Variants in NEK1 observed in about 807,000 individuals in gnomAD.
The protein encoded by NEK1 is NIMA related kinase 1, also known as serine/threonine-protein kinase Nek1.
A neutral mutation model predicts 182.1 loss-of-function variants in NEK1; 137 were observed. The ratio of observed to expected loss-of-function variants is 0.75; its 90% confidence interval spans 0.65 to 0.87. The LOEUF is 0.87. NEK1 is among the 40% of genes least tolerant of loss of function. The pLI, the probability that NEK1 is intolerant of heterozygous loss-of-function variation, is 0.00. For missense variants in NEK1, 1,391 were observed against 1,494.4 expected (o/e 0.93, Z 1.14); for synonymous variants, 513 against 492.2 (o/e 1.04, Z -0.56).
At chr4:169,544,739 C>T (rs1460173875) in intron 18 of NEK1, among the ~76,000 whole-genome samples, 2 of 150,174 alleles carry the variant, frequency 1.3e-5, no homozygotes, top group Non-Finnish European at 3.0e-5. Flanking sequence ...GGAATTTATC[C>T]ATTTCTTCAG....
At chr4:169,542,843 G>GT (rs1433757645) in intron 18 of NEK1, among the ~76,000 whole-genome samples, 15 of 151,180 alleles carry the variant, frequency 9.9e-5, no homozygotes, top group Admixed American at 6.6e-4. Context: ...TATTGATGGG[G>GT]TTTTTTCTTG....
chr4:169,415,622 A>T (rs1303773235), intron 31 of NEK1, among the ~76,000 whole-genome samples: 1 of 152,200 alleles, frequency 6.6e-6, no homozygotes, highest in Non-Finnish European at 1.5e-5. Context: ...GGTCTGAAGC[A>T]GGGTATAAAC....
At chr4:169,473,334 A>G (rs1293085690) in intron 26 of NEK1, among the ~76,000 whole-genome samples, 2 of 151,754 alleles carry the variant, frequency 1.3e-5, no homozygotes, top group Non-Finnish European at 2.9e-5. Flanking sequence ...CAAATAATAG[A>G]CACTGGGGAC....
At chr4:169,530,964 A>C (rs906075318) in intron 19 of NEK1, among the ~76,000 whole-genome samples, 4 of 149,856 alleles carry the variant, frequency 2.7e-5, no homozygotes, top group African/African-American at 9.9e-5. Flanking sequence ...GAGTCATCTG[A>C]GTTACTGATA....
chr4:169,591,951 A>G (rs1454435039), intron 5 of NEK1, among the ~76,000 whole-genome samples: 1 of 152,168 alleles, frequency 6.6e-6, no homozygotes, highest in Non-Finnish European at 1.5e-5. Context: ...ACAAAATAAG[A>G]AGTGGACAAA....
At chr4:169,423,538 A>G (rs1218022035) in intron 31 of NEK1, among the ~76,000 whole-genome samples, 1 of 152,256 alleles carries the variant, frequency 6.6e-6, no homozygotes, top group African/African-American at 2.4e-5. Flanking sequence ...CAATAACATT[A>G]CTCATTTGAT....
intron 23 of NEK1, among the ~76,000 whole-genome samples, chr4:169,495,451 C>T (rs1751050249): frequency 6.6e-6 from 1 of 151,928 alleles, no homozygotes; most frequent in African/African-American, 2.4e-5. Flanking sequence ...ACCGTGTTAG[C>T]CAGGATGGTC....
At chr4:169,518,717 G>A (rs1421831685) in intron 19 of NEK1, among the ~76,000 whole-genome samples, 12 of 82,082 alleles carry the variant, frequency 1.5e-4, no homozygotes, top group African/African-American at 3.2e-4. Context: ...CTTTGTTCTC[G>A]TTGGTTTCAA....
chr4:169,407,509 TAAG>T (rs1247576731), intron 31 of NEK1, among the ~76,000 whole-genome samples: 1 of 151,958 alleles, frequency 6.6e-6, no homozygotes, highest in African/African-American at 2.4e-5. Flanking sequence ...GCAGGAACAG[TAAG>T]AAGAAACTCA....
intron 27 of NEK1, among the ~76,000 whole-genome samples, chr4:169,449,341 T>C (rs183274802): frequency 8.5e-5 from 13 of 152,310 alleles, no homozygotes; most frequent in South Asian, 2.1e-4. Flanking sequence ...TGAGAAAAGA[T>C]AGACTGCCTC....
At chr4:169,579,787 C>CAA (rs759017295) in intron 11 of NEK1, among the ~76,000 whole-genome samples, 3 of 114,786 alleles carry the variant, frequency 2.6e-5, no homozygotes, top group Non-Finnish European at 3.7e-5. Context: ...GACTCCATCT[C>CAA]AAAAAAAAAA....
chr4:169,604,923 AGCCCAAGTT>A (rs1720638774), intron 2 of NEK1, among the ~76,000 whole-genome samples: 1 of 152,220 alleles, frequency 6.6e-6, no homozygotes, highest in Non-Finnish European at 1.5e-5. Context: ...TATATTTTCA[AGCCCAAGTT>A]GTGTTAACTG....
chr4:169,419,575 T>C (rs551739046), intron 31 of NEK1, among the ~76,000 whole-genome samples: 32 of 152,138 alleles, frequency 2.1e-4, no homozygotes, highest in Non-Finnish European at 4.4e-4. Flanking sequence ...GTAGAAAAAA[T>C]ACCCGACAAC....
intron 23 of NEK1, among the ~76,000 whole-genome samples, chr4:169,488,251 C>T (rs1317218859): frequency 6.6e-6 from 1 of 152,078 alleles, no homozygotes; most frequent in Non-Finnish European, 1.5e-5. Context: ...TTATTTGTGC[C>T]TGTGTCCTGA....
intron 27 of NEK1, among the ~76,000 whole-genome samples, chr4:169,454,410 G>T (rs1435101279): frequency 6.6e-6 from 1 of 152,056 alleles, no homozygotes; most frequent in Non-Finnish European, 1.5e-5. Flanking sequence ...CAGAATGGGA[G>T]AAAACTTCTG....
At chr4:169,603,024 T>A (rs753782645) in intron 2 of NEK1, among the ~76,000 whole-genome samples, 2 of 152,180 alleles carry the variant, frequency 1.3e-5, no homozygotes, top group African/African-American at 4.8e-5. Flanking sequence ...ACACTATTTC[T>A]TGAAGTTATT....
chr4:169,582,917 T>C (rs1227392124), intron 10 of NEK1, among the ~76,000 whole-genome samples: 1 of 152,122 alleles, frequency 6.6e-6, no homozygotes, highest in Non-Finnish European at 1.5e-5. Flanking sequence ...GGACAGCCCC[T>C]ACATTCCTAA....
At chr4:169,427,069 G>GT (rs1265382296) in intron 29 of NEK1, among the ~76,000 whole-genome samples, 1 of 151,920 alleles carries the variant, frequency 6.6e-6, no homozygotes, top group African/African-American at 2.4e-5. Flanking sequence ...TAGCTTATAG[G>GT]TAAGTTTTTA....
chr4:169,575,805 G>A (rs1319430345), intron 12 of NEK1, among the ~76,000 whole-genome samples: 3 of 152,060 alleles, frequency 2.0e-5, no homozygotes, highest in Non-Finnish European at 2.9e-5. Context: ...CTCAGCCTTC[G>A]CGATGGGGTT....
Sources: allele counts gnomAD v4.1 joint callset (sites outside exome capture counted in the v4.1 genomes callset), GRCh38; gene constraint gnomAD v4.1.1; transcripts MANE v1.5; gene names NCBI Gene and HGNC (gene_info 2026-07-23, HGNC 2026-07-21).